Variants in FOXN1 observed in about 807,000 individuals in gnomAD.
The protein encoded by FOXN1 is forkhead box protein N1.
A neutral mutation model predicts 49.0 loss-of-function variants in FOXN1; 15 were observed. The ratio of observed to expected loss-of-function variants is 0.31; its 90% CI spans 0.20 to 0.47. The LOEUF (loss-of-function observed/expected upper bound fraction) is 0.47. Among genes scored for constraint, FOXN1 ranks in the 20% least tolerant of loss-of-function variants. The pLI, the probability that FOXN1 is intolerant of heterozygous loss-of-function variation, is 1.00. For synonymous variants in FOXN1, 356 were observed against 369.0 expected (o/e 0.96, Z 0.40); for missense variants, 800 against 842.8 (o/e 0.95, Z 0.63).
rs571833002 is a variant in FOXN1, at chr17:28,538,468, G to A, written c.*1032G>A. 3.3e-5 allele frequency: 5 copies of A among 152,276 alleles called. No individual in the cohort carries two copies. The highest frequency in any genetic ancestry group is 1.9e-4 in the East Asian group (1 of 5,182). 9.4% of individuals were successfully genotyped at this position (152,276 alleles called of 1,614,324 possible). A position where few individuals can be genotyped will look rare whatever the true frequency, so the allele number is the denominator to read the frequency against. ...AAACCCATTGTAAATTGAAACCACCGAAAGTCAAAAACCACTTTCGACTTA... is the reference window on the plus strand; with the variant it reads ...AAACCCATTGTAAATTGAAACCACCAAAAGTCAAAAACCACTTTCGACTTA... On this transcript the variant is annotated 3_prime_UTR_variant, in exon 9 of 9. Coordinates refer to ENST00000579795, the MANE Select transcript of FOXN1 (RefSeq NM_001369369.1).
At chr17:28,525,621 G>C (rs946879479) in intron 3 of FOXN1, among the ~76,000 whole-genome samples, 1 of 152,154 alleles carries the variant, frequency 6.6e-6, no homozygotes, top group Non-Finnish European at 1.5e-5. Context: ...AAGCTAAAGG[G>C]AATTTGCTCC....
intron 1 of FOXN1, among the ~76,000 whole-genome samples, chr17:28,509,119 G>A (rs1423513959): frequency 6.6e-6 from 1 of 151,958 alleles, no homozygotes; most frequent in Non-Finnish European, 1.5e-5. Context: ...CTCTGGGAGA[G>A]GGCCTCCCAG....
At chr17:28,521,650 T>A (rs1173703752) in intron 1 of FOXN1, among the ~76,000 whole-genome samples, 3 of 152,196 alleles carry the variant, frequency 2.0e-5, no homozygotes, top group Non-Finnish European at 2.9e-5. Context: ...TGGTGGGGAC[T>A]CTTGAAGGGG....
chr17:28,534,390 C>G lies in FOXN1; in HGVS notation c.987C>G (p.Phe329Leu). Reference sequence around the variant, plus strand: ...ACAACCTATCCCTCAACAAGTGCTTCGAGAAGGTGGAGAACAAATCAGGAA... The same window carrying G: ...ACAACCTATCCCTCAACAAGTGCTTGGAGAAGGTGGAGAACAAATCAGGAA... ...VRHNLSLNKC[F>L]EKVENKSGSS... The change falls in exon 7 of 9, where the codon TTC becomes TTG. Residue 329 changes from phenylalanine to leucine, a missense_variant. Transcript: ENST00000579795. This position sits in a 1 kb window ranked among gnomAD's most constrained non-coding sequence, Gnocchi z 4.1. 1 of 1,614,132 alleles carries G rather than the reference C, an allele frequency of 6.2e-7. No homozygotes were observed. The highest frequency in any genetic ancestry group is 1.1e-5 in the South Asian group (1 of 91,084).
chr17:28,510,674 G>A (rs1460848579), intron 1 of FOXN1, among the ~76,000 whole-genome samples: 1 of 151,866 alleles, frequency 6.6e-6, no homozygotes, highest in Non-Finnish European at 1.5e-5. Context: ...CCTCCACGCA[G>A]GCCCAGAGTG....
rs749782134 is a variant in FOXN1 at position 28,527,241 on chromosome 17, C to A, written c.589-10C>A. ...GGCCTAATCTAGTCATCTGCTTTCT[C>A]TTCCAGCAGGGTTCAGAGGTCAAAG... is the stretch of plus-strand genomic sequence containing the variant. On this transcript the variant is annotated splice_polypyrimidine_tract_variant and intron_variant, in intron 3 of 8. Coordinates refer to ENST00000579795, the MANE Select transcript of FOXN1 (RefSeq NM_001369369.1). 1.9e-6 allele frequency: 3 copies of A among 1,592,162 alleles called. No homozygotes were observed. In the South Asian group the frequency reaches 3.3e-5, roughly 18 times the overall value.
At chr17:28,510,157 C>A (rs1383681331) in intron 1 of FOXN1, among the ~76,000 whole-genome samples, 2 of 152,166 alleles carry the variant, frequency 1.3e-5, no homozygotes, top group African/African-American at 2.4e-5. Flanking sequence ...TCGCCCTCCA[C>A]CCCATGCTCA....
intron 3 of FOXN1, 148 bp from the exon 4 acceptor site, chr17:28,527,103 C>T: frequency 2.9e-6 from 2 of 699,474 alleles, no homozygotes; most frequent in South Asian, 1.5e-5. Context: ...TTGGGAAAAT[C>T]TCTGCCCTTC....
rs2151497943 is a variant in FOXN1 at position 28,534,397 on chromosome 17, G to A, written c.994G>A (p.Val332Met). 6.2e-7 allele frequency: 1 copy of A among 1,614,200 alleles called. No individual in the cohort carries two copies. The highest frequency in any genetic ancestry group is 8.5e-7 in the Non-Finnish European group (1 of 1,180,028). Residue 332 changes from valine to methionine, a missense_variant, in exon 7 of 9, where the codon GTG becomes ATG. Coordinates refer to ENST00000579795, the MANE Select transcript of FOXN1 (RefSeq NM_001369369.1). The surrounding 1 kb of genome is among the most constrained non-coding windows in gnomAD (Gnocchi z 4.1). ...ATCCCTCAACAAGTGCTTCGAGAAG[G>A]TGGAGAACAAATCAGGAAGTTCCTC... The part of the protein sequence containing the change: ...NLSLNKCFEK[V>M]ENKSGSSSRK...
intron 1 of FOXN1, 104 bp from the exon 2 acceptor site, chr17:28,523,852 G>A (rs978978302): frequency 1.1e-6 from 1 of 940,234 alleles, no homozygotes; most frequent in Non-Finnish European, 1.7e-6. Flanking sequence ...CTGACTGGAG[G>A]CAGGGTCCCA....
At chr17:28,536,937 A>G (rs1477664322) in intron 8 of FOXN1, among the ~76,000 whole-genome samples, 180 bp from the exon 9 acceptor site, 1 of 152,102 alleles carries the variant, frequency 6.6e-6, no homozygotes, top group Non-Finnish European at 1.5e-5. Flanking sequence ...GGGAGGAGGA[A>G]TCTGAGGCTG....
intron 6 of FOXN1, among the ~76,000 whole-genome samples, chr17:28,533,303 G>T (rs2069959940): frequency 6.6e-6 from 1 of 152,070 alleles, no homozygotes; most frequent in South Asian, 2.1e-4. Flanking sequence ...CTGAACTCAG[G>T]GCTGTCACAG....
Position 28,538,080 on chromosome 17 carries a change from A to T in FOXN1, c.*644A>T, listed in dbSNP as rs1597572796. 1 of 156,672 alleles carries T rather than the reference A, an allele frequency of 6.4e-6. No individual in the cohort carries two copies. Among genetic ancestry groups the T allele is most frequent in the African/African-American group, 2.4e-5 (1 of 41,456 alleles). The allele number at this position is 156,672 out of a possible 1,614,324, so 9.7% of individuals were successfully genotyped here. Reference sequence around the variant, plus strand: ...CCCCCAGGAGCTGCTAATTGGCAGCACCCACTCAGCCATTCTCTACCCATC... The same window carrying T: ...CCCCCAGGAGCTGCTAATTGGCAGCTCCCACTCAGCCATTCTCTACCCATC... On this transcript the variant is annotated 3_prime_UTR_variant, in exon 9 of 9. Coordinates refer to ENST00000579795, the MANE Select transcript of FOXN1 (RefSeq NM_001369369.1).
At chr17:28,523,803 TCTCTCTC>T in intron 1 of FOXN1, 146 bp from the exon 2 acceptor site, 1 of 92,716 alleles carries the variant, frequency 1.1e-5, no homozygotes, top group South Asian at 9.6e-5. Context: ...TCTCTCTCTC[TCTCTCTC>T]TCTCTCTCTC....
intron 6 of FOXN1, among the ~76,000 whole-genome samples, chr17:28,532,776 G>A (rs978243845): frequency 9.2e-5 from 14 of 152,342 alleles, no homozygotes; most frequent in East Asian, 3.9e-4. Context: ...TCCAGCCACT[G>A]GACATAATTG....
intron 6 of FOXN1, among the ~76,000 whole-genome samples, chr17:28,532,899 C>T (rs1055120323): frequency 3.3e-5 from 5 of 152,256 alleles, no homozygotes; most frequent in East Asian, 1.9e-4. Context: ...CCATTAACTC[C>T]GCCCATGGGG....
chr17:28,524,424 A>T, intron 2 of FOXN1, 79 bp from the exon 3 acceptor site: 1 of 1,272,418 alleles, frequency 7.9e-7, no homozygotes, highest in Non-Finnish European at 1.1e-6. Flanking sequence ...CCTTTACCCC[A>T]GAACAGAGTA....
At chr17:28,518,461 G>C (rs910819210) in intron 1 of FOXN1, among the ~76,000 whole-genome samples, 2 of 152,226 alleles carry the variant, frequency 1.3e-5, no homozygotes, top group African/African-American at 4.8e-5. Flanking sequence ...TTGATGGGTA[G>C]AGCGGGCGCA....
At chr17:28,530,148 C>T (rs1054219112) in intron 5 of FOXN1, among the ~76,000 whole-genome samples, 8 of 151,588 alleles carry the variant, frequency 5.3e-5, no homozygotes, top group African/African-American at 9.7e-5. Flanking sequence ...CAAACCTGCA[C>T]GTACTGTACA....
Sources: allele counts gnomAD v4.1 joint callset (sites outside exome capture counted in the v4.1 genomes callset), GRCh38; gene constraint gnomAD v4.1.1; non-coding constraint Gnocchi (gnomAD v3.1); transcripts MANE v1.5; gene names NCBI Gene and HGNC (gene_info 2026-07-23, HGNC 2026-07-21).